CSMD3: variants seen among roughly 807,000 people sequenced by gnomAD.
CSMD3 encodes the protein CUB and sushi domain-containing protein 3.
A neutral mutation model predicts 435.2 loss-of-function variants in CSMD3; 177 were observed. The ratio of observed to expected loss-of-function variants is 0.41; its 90% confidence interval spans 0.36 to 0.46. The LOEUF is 0.46. CSMD3 is among the 20% of genes least tolerant of loss of function. The pLI is 0.34. For synonymous variants in CSMD3, 1,656 were observed against 1,520.5 expected (o/e 1.09, Z -2.07); for missense variants, 4,265 against 4,504.6 (o/e 0.95, Z 1.52).
At chr8:113,093,990 T>C (rs2090086695) in intron 5 of CSMD3, among the ~76,000 whole-genome samples, 1 of 152,282 alleles carries the variant, frequency 6.6e-6, no homozygotes, top group African/African-American at 2.4e-5. Context: ...TACTTCAAAC[T>C]ATATATCATA....
intron 13 of CSMD3, among the ~76,000 whole-genome samples, chr8:112,761,830 A>C (rs955141174): frequency 6.6e-6 from 1 of 152,006 alleles, no homozygotes; most frequent in African/African-American, 2.4e-5. Context: ...GTGTATGTGC[A>C]TGTGTATGTA....
rs2087030087 is a variant in CSMD3, at chr8:113,030,109, C to T, written c.918-10930G>A. Among the ~76,000 whole-genome samples the T allele has an allele frequency of 1.3e-5, 2 of 151,342 alleles. 1 individual carries two copies. Among genetic ancestry groups the T allele is most frequent in the Non-Finnish European group, 3.0e-5 (2 of 67,732 alleles). On this transcript the variant is annotated intron_variant, in intron 5 of 70. Transcript: ENST00000297405. ...CCTCTGCAAGGAAAACTACAAAACA[C>T]TGCTGAAAGAAATCTTAGACAACAC...
chr8:113,063,272 C>T (rs2088697969), intron 5 of CSMD3, among the ~76,000 whole-genome samples: 1 of 151,574 alleles, frequency 6.6e-6, no homozygotes, highest in Admixed American at 6.6e-5. Flanking sequence ...ATTACAGTAA[C>T]AGAACATTTT....
intron 3 of CSMD3, among the ~76,000 whole-genome samples, chr8:113,199,020 T>A (rs2092690160): frequency 6.6e-6 from 1 of 150,680 alleles, no homozygotes; most frequent in Admixed American, 6.7e-5. Flanking sequence ...TTATGCTAAT[T>A]GGAAACAAAT....
intron 4 of CSMD3, among the ~76,000 whole-genome samples, chr8:113,133,561 C>A (rs537155299): frequency 6.6e-6 from 1 of 152,066 alleles, no homozygotes; most frequent in African/African-American, 2.4e-5. Context: ...CCATATGATC[C>A]AGCAATCCCA....
chr8:112,638,422 C>A (rs2074725398), intron 21 of CSMD3, among the ~76,000 whole-genome samples: 1 of 150,680 alleles, frequency 6.6e-6, no homozygotes. Context: ...TAGAATTTTT[C>A]AGGATTGTAA....
intron 3 of CSMD3, among the ~76,000 whole-genome samples, chr8:113,270,756 A>G (rs1341706565): frequency 6.6e-6 from 1 of 151,318 alleles, no homozygotes; most frequent in Non-Finnish European, 1.5e-5. Flanking sequence ...GTTCTCACTA[A>G]TAGGTGGGAA....
intron 9 of CSMD3, among the ~76,000 whole-genome samples, chr8:112,928,191 G>A (rs997681325): frequency 1.3e-5 from 2 of 151,972 alleles, no homozygotes; most frequent in Non-Finnish European, 2.9e-5. Context: ...CTGGAAAAAG[G>A]AAAAATCCCA....
At chr8:113,339,790 A>G (rs1433862314) in intron 1 of CSMD3, among the ~76,000 whole-genome samples, 1 of 151,920 alleles carries the variant, frequency 6.6e-6, no homozygotes, top group Admixed American at 6.6e-5. Flanking sequence ...TGGACAAGTT[A>G]TTAGGTGAAT....
chr8:112,546,547 C>G (rs758287312), intron 27 of CSMD3, among the ~76,000 whole-genome samples: 5 of 152,116 alleles, frequency 3.3e-5, no homozygotes, highest in African/African-American at 4.8e-5. Context: ...GGGGAAGATT[C>G]TCAACAGAGA....
At chr8:113,329,187 A>C (rs1010277232) in intron 1 of CSMD3, among the ~76,000 whole-genome samples, 1 of 108,960 alleles carries the variant, frequency 9.2e-6, no homozygotes, top group Non-Finnish European at 2.0e-5. Context: ...AGCTACTACA[A>C]GTATGTTTAA....
At chr8:112,416,794 A>G (rs1156338797) in intron 32 of CSMD3, among the ~76,000 whole-genome samples, 1 of 152,124 alleles carries the variant, frequency 6.6e-6, no homozygotes, top group African/African-American at 2.4e-5. Context: ...TCCTAATGGC[A>G]TGACAGTGTC....
chr8:112,281,422 T>C (rs1377058574), intron 58 of CSMD3, 72 bp from the exon 59 acceptor site: 14 of 1,176,018 alleles, frequency 1.2e-5, no homozygotes, highest in Non-Finnish European at 1.8e-5. Context: ...AGTTAATGAC[T>C]AAACGATTCT....
At chr8:112,600,904 C>A (rs1332202805) in intron 22 of CSMD3, among the ~76,000 whole-genome samples, 2 of 152,014 alleles carry the variant, frequency 1.3e-5, no homozygotes, top group Non-Finnish European at 2.9e-5. Context: ...GTCTCGATCT[C>A]GTGATCCATC....
chr8:112,662,482 G>A (rs1344425401), intron 17 of CSMD3, among the ~76,000 whole-genome samples: 1 of 152,020 alleles, frequency 6.6e-6, no homozygotes, highest in Non-Finnish European at 1.5e-5. Flanking sequence ...GTAGAAAGCT[G>A]AAACTGGATC....
At chr8:112,768,142 C>G (rs998188302) in intron 13 of CSMD3, among the ~76,000 whole-genome samples, 1 of 151,162 alleles carries the variant, frequency 6.6e-6, no homozygotes, top group African/African-American at 2.4e-5. Context: ...TACAAAGCCA[C>G]ATAAATATGC....
chr8:113,383,759 G>A (rs536540013), intron 1 of CSMD3, among the ~76,000 whole-genome samples: 3 of 152,124 alleles, frequency 2.0e-5, no homozygotes, highest in Admixed American at 6.5e-5. Flanking sequence ...CACCACAGGG[G>A]CAGTTTTTCA....
chr8:113,112,415 A>G (rs868060513), intron 4 of CSMD3, among the ~76,000 whole-genome samples: 12 of 8,728 alleles, frequency 1.4e-3, no homozygotes, highest in Admixed American at 3.3e-3. Context: ...ATATATATAT[A>G]TATATATATA....
intron 8 of CSMD3, among the ~76,000 whole-genome samples, chr8:112,953,104 A>G (rs28649688): frequency 0.014 from 2,167 of 151,608 alleles, 58 homozygotes; most frequent in African/African-American, 0.05. Context: ...CAAATAACAT[A>G]CGTGTAGACA....
Sources: allele counts gnomAD v4.1 joint callset (sites outside exome capture counted in the v4.1 genomes callset), GRCh38; gene constraint gnomAD v4.1.1; transcripts MANE v1.5; gene names NCBI Gene and HGNC (gene_info 2026-07-23, HGNC 2026-07-21).